The following PTPN4 variants were observed in gnomAD, a reference collection of about 807,000 sequenced individuals.
The protein encoded by PTPN4 is protein tyrosine phosphatase non-receptor type 4, also known as tyrosine-protein phosphatase non-receptor type 4.
In PTPN4, 49 loss-of-function variants were observed where a neutral mutation model predicts 135.5. The observed-to-expected ratio is 0.36, with a 90% CI of 0.29 to 0.46. PTPN4 has a LOEUF of 0.46. Ranked by LOEUF, PTPN4 falls within the 20% of genes least tolerant of loss-of-function variation. The pLI, the probability that PTPN4 is intolerant of heterozygous loss-of-function variation, is 1.00. For missense variants in PTPN4, 860 were observed against 1,101.0 expected, an observed-to-expected ratio of 0.78 and a Z score of 3.10; for synonymous variants, 333 against 369.9, an observed-to-expected ratio of 0.90 and a Z score of 1.14.
intron 2 of PTPN4, among the ~76,000 whole-genome samples, chr2:119,839,814 T>C (rs1677352708): frequency 6.6e-6 from 1 of 152,236 alleles, no homozygotes; most frequent in Non-Finnish European, 1.5e-5. Context: ...ATCTAGTTAA[T>C]TGACTGTATT....
chr2:119,878,725 C>A (rs1476009019), intron 5 of PTPN4, among the ~76,000 whole-genome samples: 8 of 141,568 alleles, frequency 5.7e-5, no homozygotes, highest in African/African-American at 1.9e-4. Flanking sequence ...TGGGAGAACT[C>A]AGTAATGTAG....
In PTPN4 at chr2:119,977,819, C is replaced by G. The variant is rs552691662; in HGVS notation, c.*749C>G. On this transcript the variant is annotated 3_prime_UTR_variant, in exon 27 of 27. Transcript: ENST00000263708. Reference sequence around the variant, plus strand: ...GAATGCATGCATTGTGTCTTAACCCCTTAAGTGCCTTGAGACGTCCTTGTA... The same window carrying G: ...GAATGCATGCATTGTGTCTTAACCCGTTAAGTGCCTTGAGACGTCCTTGTA... 1 of 152,296 alleles carries G rather than the reference C, an allele frequency of 6.6e-6. No individual in the cohort carries two copies. Among genetic ancestry groups the G allele is most frequent in the African/African-American group, 2.4e-5 (1 of 41,562 alleles). The allele number at this position is 152,296 out of a possible 1,614,324, so 9.4% of individuals were successfully genotyped here.
At chr2:119,932,134 T>A (rs1678915814) in intron 13 of PTPN4, 1 of 193,870 alleles carries the variant, frequency 5.2e-6, no homozygotes, top group Non-Finnish European at 1.0e-5. Flanking sequence ...AGCAAACCCT[T>A]CCCTTTTTAC....
At chr2:119,937,921 C>G (rs1446796897) in intron 15 of PTPN4, among the ~76,000 whole-genome samples, 1 of 141,500 alleles carries the variant, frequency 7.1e-6, no homozygotes, top group East Asian at 2.1e-4. Flanking sequence ...TCAGCCTGGA[C>G]AATACAGCAA....
rs1051180396 is a variant in PTPN4, at chr2:119,982,671, C to G, written c.*5601C>G. 3 of 152,080 alleles carry G rather than the reference C, an allele frequency of 2.0e-5. No homozygotes were observed. The highest frequency in any genetic ancestry group is 7.2e-5 in the African/African-American group (3 of 41,398). The allele number at this position is 152,080 out of a possible 1,614,324, so 9.4% of individuals were successfully genotyped here. Reference sequence around the variant, plus strand: ...TGTGAAGGTAATAAATGTGTTGCTGCATGTGTTTACCATAGAGAACGTTGC... The same window carrying G: ...TGTGAAGGTAATAAATGTGTTGCTGGATGTGTTTACCATAGAGAACGTTGC... On this transcript the variant is annotated 3_prime_UTR_variant, in exon 27 of 27. Transcript: ENST00000263708.
chr2:119,854,935 A>G (rs1052971794), intron 2 of PTPN4, among the ~76,000 whole-genome samples: 3 of 152,142 alleles, frequency 2.0e-5, no homozygotes, highest in Non-Finnish European at 2.9e-5. Context: ...GGTACCTCCT[A>G]CTTCAGCTAT....
At chr2:119,808,950 A>T (rs1200130282) in intron 1 of PTPN4, among the ~76,000 whole-genome samples, 1 of 152,098 alleles carries the variant, frequency 6.6e-6, no homozygotes, top group Non-Finnish European at 1.5e-5. Context: ...CTTACTACTT[A>T]TTGCTTACTC....
rs147000883 is a variant in PTPN4, at chr2:119,973,258, A to G, written c.2695-3726A>G. Among the ~76,000 whole-genome samples, 1,165 of 152,094 alleles carry G rather than the reference A, an allele frequency of 7.7e-3. 9 individuals carry two copies. The highest frequency in any genetic ancestry group is 0.012 in the Non-Finnish European group (815 of 67,938). ...ATACTTTACGTAAGTAAATTCATGT[A>G]TTTGTCTTTTTCTGACTGGCTTATT... On this transcript the variant is annotated intron_variant, in intron 26 of 26. Transcript: ENST00000263708.
At chr2:119,761,756 C>G (rs13401264) in intron 1 of PTPN4, among the ~76,000 whole-genome samples, 52,394 of 152,098 alleles carry the variant, frequency 0.34, 9,566 homozygotes, top group African/African-American at 0.46. Context: ...GAATGTTTGT[C>G]ATGTTGCCAG....
chr2:119,887,417 T>G lies in PTPN4; in HGVS notation c.675+1535T>G, dbSNP rs1327463480. Among the ~76,000 whole-genome samples, 4 of 152,042 alleles carry G rather than the reference T, an allele frequency of 2.6e-5. No homozygotes were observed. In the East Asian group the frequency reaches 7.7e-4, roughly 29 times the overall value. ...CAGGAGGATCAGCTGAGCCCAGGAG[T>G]CTAAGGCTTCTGTAAGCTATGATCA... On this transcript the variant is annotated intron_variant, in intron 9 of 26. Coordinates refer to ENST00000263708, the MANE Select transcript of PTPN4 (RefSeq NM_002830.4).
chr2:119,854,703 A>G (rs1677646700), intron 2 of PTPN4, among the ~76,000 whole-genome samples: 1 of 152,268 alleles, frequency 6.6e-6, no homozygotes, highest in African/African-American at 2.4e-5. Context: ...GCAAATATGA[A>G]TACAAGATGT....
At chr2:119,789,526 A>G (rs545061563) in intron 1 of PTPN4, among the ~76,000 whole-genome samples, 15 of 152,164 alleles carry the variant, frequency 9.9e-5, no homozygotes, top group South Asian at 2.1e-4. Flanking sequence ...CTCTATTCCT[A>G]TATTTTCTTC....
Position 119,776,545 on chromosome 2 carries a change from C to T in PTPN4, c.-18+16161C>T, listed in dbSNP as rs562965501. On this transcript the variant is annotated intron_variant, in intron 1 of 26. Transcript: ENST00000263708. ...ATTACTATGTATTTCTGTAAAGTTA[C>T]GTGGAGTGTGCCTGCCTCTCCTGCT... Among the ~76,000 whole-genome samples, 7 of 152,272 alleles carry T rather than the reference C, an allele frequency of 4.6e-5. No homozygotes were observed. In the South Asian group the frequency reaches 1.2e-3, roughly 27 times the overall value.
At chr2:119,931,562 G>A (rs72839002) in intron 13 of PTPN4, among the ~76,000 whole-genome samples, 1,962 of 148,078 alleles carry the variant, frequency 0.013, 21 homozygotes, top group Non-Finnish European at 0.019. Flanking sequence ...TCTGACTTCA[G>A]CCTCCCAAGT....
At chr2:119,935,012 T>G (rs1678961348) in intron 15 of PTPN4, 54 bp downstream of exon 15, 5 of 1,502,536 alleles carry the variant, frequency 3.3e-6, no homozygotes, top group Non-Finnish European at 4.5e-6. Flanking sequence ...CCAAATTGCT[T>G]TACTTAAAAT....
intron 1 of PTPN4, among the ~76,000 whole-genome samples, chr2:119,798,626 A>G (rs1691306425): frequency 6.6e-6 from 1 of 152,268 alleles, no homozygotes; most frequent in Non-Finnish European, 1.5e-5. Flanking sequence ...GTATTGTGAA[A>G]TGAAAAGTAA....
At chr2:119,823,014 A>G (rs1677092945) in intron 2 of PTPN4, among the ~76,000 whole-genome samples, 2 of 152,168 alleles carry the variant, frequency 1.3e-5, no homozygotes, top group South Asian at 4.1e-4. Flanking sequence ...GAGTCACCTT[A>G]ACCAGTTTGT....
chr2:119,896,765 G>T (rs1678329850), intron 9 of PTPN4, among the ~76,000 whole-genome samples: 1 of 150,582 alleles, frequency 6.6e-6, no homozygotes, highest in African/African-American at 2.4e-5. Context: ...AAGAATGTTT[G>T]ATTCTTTTCC....
intron 2 of PTPN4, among the ~76,000 whole-genome samples, chr2:119,847,281 C>T (rs112501842): frequency 0.042 from 3,777 of 90,092 alleles, 225 homozygotes; most frequent in African/African-American, 0.13. Flanking sequence ...TATATACACA[C>T]ACACACACAC....
Sources: allele counts gnomAD v4.1 joint callset (sites outside exome capture counted in the v4.1 genomes callset), GRCh38; gene constraint gnomAD v4.1.1; transcripts MANE v1.5; gene names NCBI Gene and HGNC (gene_info 2026-07-23, HGNC 2026-07-21).